GLT8D2: variants seen among roughly 807,000 people sequenced by gnomAD.
GLT8D2 encodes glycosyltransferase 8 domain-containing protein 2.
Under a neutral mutation model 44.5 loss-of-function variants are expected in GLT8D2, and 45 were observed. The observed-to-expected ratio is 1.01, with a 90% CI of 0.80 to 1.30. GLT8D2 has a LOEUF of 1.30. Among genes scored for constraint, GLT8D2 ranks in the 50% most tolerant of loss-of-function variants. The pLI is 0.00. For missense variants in GLT8D2, 400 were observed against 430.4 expected (o/e 0.93, Z 0.62); for synonymous variants, 156 against 157.2 (o/e 0.99, Z 0.06).
intron 1 of GLT8D2, among the ~76,000 whole-genome samples, chr12:104,041,455 G>A (rs530393889): frequency 2.8e-4 from 43 of 151,808 alleles, no homozygotes; most frequent in African/African-American, 1.0e-3. Context: ...ACGCACCTGT[G>A]ATCCCAGCTC....
chr12:104,014,951 G>T, intron 4 of GLT8D2, 62 bp downstream of exon 4: 1 of 1,178,242 alleles, frequency 8.5e-7, no homozygotes, highest in Non-Finnish European at 1.3e-6. Context: ...AAAGGACCTA[G>T]AGGAACATAT....
chr12:104,037,907 C>T (rs192529716), intron 1 of GLT8D2, among the ~76,000 whole-genome samples: 1 of 152,268 alleles, frequency 6.6e-6, no homozygotes, highest in Non-Finnish European at 1.5e-5. Flanking sequence ...AAAATACTGG[C>T]AAACTGAATC....
intron 1 of GLT8D2, among the ~76,000 whole-genome samples, chr12:104,063,648 G>T (rs1324033197): frequency 6.6e-6 from 1 of 152,212 alleles, no homozygotes; most frequent in African/African-American, 2.4e-5. Context: ...TGATATAAGG[G>T]CTTGGGGGTT....
chr12:104,007,029 G>C (rs1220886234), intron 4 of GLT8D2, among the ~76,000 whole-genome samples: 1 of 152,106 alleles, frequency 6.6e-6, no homozygotes, highest in Non-Finnish European at 1.5e-5. Context: ...GACAGCAAGA[G>C]GAAGGAGGTA....
intron 9 of GLT8D2, 139 bp downstream of exon 9, chr12:103,994,196 T>C: frequency 1.4e-6 from 1 of 704,748 alleles, no homozygotes; most frequent in Non-Finnish European, 2.2e-6. Flanking sequence ...CCCCCTTTTC[T>C]TTCTTAACAT....
At chr12:103,990,737 C>T (rs989176729) in intron 10 of GLT8D2, among the ~76,000 whole-genome samples, 2 of 152,062 alleles carry the variant, frequency 1.3e-5, no homozygotes, top group African/African-American at 4.8e-5. Context: ...TTGAAACTAT[C>T]GCAGCATAAC....
In GLT8D2 at chr12:104,016,746, A is replaced by G. The variant is rs1002440511; in HGVS notation, c.20-1641T>C. Reference sequence around the variant, plus strand: ...AAGAAAGAAAGAAAGAAAGAAAGAAAGAAAGAAAGAAAGAAAGAAAGAAAG... The same window carrying G: ...AAGAAAGAAAGAAAGAAAGAAAGAAGGAAAGAAAGAAAGAAAGAAAGAAAG... On this transcript the variant is annotated intron_variant, in intron 3 of 10. Coordinates refer to ENST00000360814, the MANE Select transcript of GLT8D2 (RefSeq NM_001384711.1). Among the ~76,000 whole-genome samples the G allele has an allele frequency of 4.5e-4, 50 of 111,148 alleles. 1 individual carries two copies. Among genetic ancestry groups the G allele is most frequent in the East Asian group, 3.9e-3 (12 of 3,052 alleles). The allele number at this position is 111,148 out of a possible 152,430, so 72.9% of individuals were successfully genotyped here. A position where few individuals can be genotyped will look rare whatever the true frequency, so the allele number is the denominator to read the frequency against.
chr12:104,001,633 A>G (rs1390681198), intron 5 of GLT8D2, among the ~76,000 whole-genome samples: 1 of 152,194 alleles, frequency 6.6e-6, no homozygotes, highest in East Asian at 1.9e-4. Context: ...CATTTTCAAC[A>G]ATGCAAAAAT....
chr12:104,042,829 T>C (rs1880705422), intron 1 of GLT8D2, among the ~76,000 whole-genome samples: 1 of 152,200 alleles, frequency 6.6e-6, no homozygotes, highest in African/African-American at 2.4e-5. Context: ...TTGATGAATT[T>C]GTGTTGGGCT....
At chr12:104,029,963 C>G (rs1048375002) in intron 1 of GLT8D2, among the ~76,000 whole-genome samples, 2 of 151,932 alleles carry the variant, frequency 1.3e-5, no homozygotes, top group East Asian at 3.8e-4. Context: ...ATTCCAATGA[C>G]ATTTTTCACA....
intron 3 of GLT8D2, among the ~76,000 whole-genome samples, chr12:104,016,759 G>GAA (rs1566199564): frequency 1.0e-5 from 1 of 95,860 alleles, no homozygotes; most frequent in African/African-American, 4.0e-5. Context: ...AAGAAAGAAA[G>GAA]AAAGAAAGAA....
At chr12:103,996,626 C>A in intron 8 of GLT8D2, 109 bp downstream of exon 8, 1 of 754,200 alleles carries the variant, frequency 1.3e-6, no homozygotes, top group Non-Finnish European at 2.3e-6. Context: ...TCCAGACTGG[C>A]CCATAAGGTT....
chr12:104,008,909 T>C (rs1218703916), intron 4 of GLT8D2, among the ~76,000 whole-genome samples: 4 of 152,170 alleles, frequency 2.6e-5, no homozygotes, highest in Non-Finnish European at 5.9e-5. Context: ...TGCACAGAAG[T>C]AAAAAATTGG....
intron 3 of GLT8D2, among the ~76,000 whole-genome samples, chr12:104,016,849 A>G (rs1446524379): frequency 6.7e-6 from 1 of 150,290 alleles, no homozygotes; most frequent in East Asian, 2.0e-4. Context: ...AAAGAAAGAA[A>G]GAAAGAAAGA....
At chr12:104,005,202 C>T (rs1692820457) in intron 4 of GLT8D2, among the ~76,000 whole-genome samples, 1 of 152,168 alleles carries the variant, frequency 6.6e-6, no homozygotes, top group Non-Finnish European at 1.5e-5. Context: ...AAACTGGACC[C>T]CTTCCTTACA....
At position 103,989,127 on chromosome 12, in the gene GLT8D2, G is replaced by T. The variant is rs1030391180; in HGVS notation, c.*281C>A. ...GTTTTAAAAATTTGTGGATATAATT[G>T]TCATTCAGAATTAAGCAGGTTGATT... On this transcript the variant is annotated 3_prime_UTR_variant, in exon 11 of 11. Transcript: ENST00000360814. The T allele has an allele frequency of 3.7e-5, 9 of 243,294 alleles. No homozygotes were observed. In the South Asian group the frequency reaches 1.4e-3, roughly 37 times the overall value. The allele number at this position is 243,294 out of a possible 1,614,324, so 15.1% of individuals were successfully genotyped here.
intron 4 of GLT8D2, chr12:104,014,354 C>CAAA: frequency 1.8e-6 from 1 of 571,118 alleles, no homozygotes; most frequent in Non-Finnish European, 3.2e-6. Flanking sequence ...GATTCTGTCT[C>CAAA]AAAAAAAAAA....
intron 1 of GLT8D2, among the ~76,000 whole-genome samples, chr12:104,034,389 A>G (rs1255719729): frequency 1.3e-5 from 2 of 152,248 alleles, no homozygotes; most frequent in African/African-American, 4.8e-5. Context: ...TTCCTAGCCA[A>G]GGGAAGCTGT....
chr12:104,049,859 A>G (rs962342394), intron 1 of GLT8D2, 36 bp downstream of exon 1: 3 of 152,216 alleles, frequency 2.0e-5, no homozygotes. Context: ...GATAAAACGG[A>G]ACGACTGCAC....
Sources: allele counts gnomAD v4.1 joint callset (sites outside exome capture counted in the v4.1 genomes callset), GRCh38; gene constraint gnomAD v4.1.1; transcripts MANE v1.5; gene names NCBI Gene and HGNC (gene_info 2026-07-23, HGNC 2026-07-21).